The following LCP2 variants were observed in gnomAD, a reference collection of about 807,000 sequenced individuals.
LCP2 encodes lymphocyte cytosolic protein 2, also known as 76 kDa tyrosine phosphoprotein.
A neutral mutation model predicts 74.5 loss-of-function variants in LCP2; 29 were observed. That is an observed-to-expected ratio of 0.39 (90% CI 0.29 to 0.53). The LOEUF is 0.53. Among genes scored for constraint, LCP2 ranks in the 20% least tolerant of loss-of-function variants. The pLI, the probability that LCP2 is intolerant of heterozygous loss-of-function variation, is 0.72. For synonymous variants in LCP2, 228 were observed against 229.5 expected, an observed-to-expected ratio of 0.99 and a Z score of 0.06; for missense variants, 604 against 634.6, an observed-to-expected ratio of 0.95 and a Z score of 0.52.
chr5:170,285,796 G>C (rs1209283233), intron 3 of LCP2, among the ~76,000 whole-genome samples: 1 of 152,144 alleles, frequency 6.6e-6, no homozygotes, highest in Non-Finnish European at 1.5e-5. Flanking sequence ...CTTTGCTAAA[G>C]AGGGGCCCCT....
chr5:170,253,294 C>G, intron 17 of LCP2, 81 bp from the exon 18 acceptor site: 1 of 922,116 alleles, frequency 1.1e-6, no homozygotes, highest in Non-Finnish European at 1.7e-6. Context: ...ACATTCCCCC[C>G]ACTCCCCCAA....
Position 170,250,824 on chromosome 5 carries a change from A to G in LCP2, c.1385T>C (p.Met462Thr). The change falls in exon 20 of 21, where the codon ATG (methionine) becomes ACG (threonine). Residue 462 changes from methionine to threonine, a missense_variant. Physicochemically the swap from Met to Thr is moderately conservative, Grantham distance 81. Coordinates refer to ENST00000046794, the MANE Select transcript of LCP2 (RefSeq NM_005565.5). ...KKTTTNPYVLMVLYKDKVYNI... is the reference protein window; with the variant it reads ...KKTTTNPYVLTVLYKDKVYNI... ...GTAAACTTTATCTTTGTACAACACC[A>G]TGAGGACATATGGATTGGTTGTTGT... is the stretch of plus-strand genomic sequence containing the variant. 6.2e-7 allele frequency: 1 copy of G among 1,612,166 alleles called. No individual in the cohort carries two copies. Among genetic ancestry groups the G allele is most frequent in the East Asian group, 2.2e-5 (1 of 44,866 alleles).
intron 17 of LCP2, among the ~76,000 whole-genome samples, chr5:170,255,864 C>CT (rs1761540302): frequency 6.6e-6 from 1 of 152,214 alleles, no homozygotes; most frequent in African/African-American, 2.4e-5. Context: ...GCAGAACACT[C>CT]TAAGCGAATA....
At chr5:170,260,949 A>G in intron 14 of LCP2, 158 bp downstream of exon 14, 7 of 633,488 alleles carry the variant, frequency 1.1e-5, no homozygotes, top group Non-Finnish European at 1.7e-5. Flanking sequence ...ACCAAGGCCC[A>G]AAGACAGAGG....
At position 170,258,848 on chromosome 5, in the gene LCP2, A is replaced by C; in HGVS notation, c.970+18T>G. On this transcript the variant is annotated intron_variant, in intron 15 of 20. Transcript: ENST00000046794. ...AAAGAATGAGTTATAGGCTGTAAGA[A>C]TGTGTTTCCGAACATACCATCATCT... 6.3e-7 allele frequency: 1 copy of C among 1,575,662 alleles called. No homozygotes were observed. Among genetic ancestry groups the C allele is most frequent in the Non-Finnish European group, 8.7e-7 (1 of 1,152,106 alleles).
intron 10 of LCP2, among the ~76,000 whole-genome samples, chr5:170,265,360 A>T (rs955783064): frequency 2.0e-5 from 3 of 152,224 alleles, no homozygotes; most frequent in African/African-American, 7.2e-5. Context: ...TTAAGAAGAC[A>T]GTAATCCTTC....
chr5:170,279,976 G>GGGGAA (rs932545254), intron 3 of LCP2, among the ~76,000 whole-genome samples: 9 of 152,010 alleles, frequency 5.9e-5, no homozygotes, highest in African/African-American at 2.2e-4. Flanking sequence ...GAGAGAGAGG[G>GGGGAA]GGGAAGGGAA....
rs61463939 is a variant in LCP2 at position 170,272,597 on chromosome 5, C to CTT, written c.325-1682_325-1681dup. 7.5e-3 allele frequency among the ~76,000 whole-genome samples: 301 copies of CTT among 40,354 alleles called. 85 individuals carry two copies. The highest frequency in any genetic ancestry group is 0.014 in the Admixed American group (28 of 2,046). The allele number at this position is 40,354 out of a possible 152,430, so 26.5% of individuals were successfully genotyped here. ...ATAACTGTAACCCATCAAATATTTT[C>CTT]TTTTTTTTTTTTTTTTTTTTTTTTT... On this transcript the variant is annotated intron_variant, in intron 6 of 20. Transcript: ENST00000046794.
chr5:170,280,897 G>A (rs960990924), intron 3 of LCP2, among the ~76,000 whole-genome samples: 3 of 152,118 alleles, frequency 2.0e-5, no homozygotes, highest in Non-Finnish European at 2.9e-5. Flanking sequence ...CCAGCTACTC[G>A]GGAGGCCGAG....
intron 1 of LCP2, 125 bp downstream of exon 1, chr5:170,297,409 T>C (rs1232159278): frequency 1.3e-6 from 1 of 757,838 alleles, no homozygotes; most frequent in African/African-American, 1.8e-5. Flanking sequence ...ACCAGTAAAG[T>C]TGCCATAGGG....
At chr5:170,291,012 G>GAA (rs1460566314) in intron 2 of LCP2, among the ~76,000 whole-genome samples, 4 of 148,268 alleles carry the variant, frequency 2.7e-5, no homozygotes, top group African/African-American at 1.0e-4. Context: ...GAGAAAGAAA[G>GAA]AGAGAAAGAA....
intron 3 of LCP2, among the ~76,000 whole-genome samples, chr5:170,277,933 C>T (rs544195529): frequency 1.9e-4 from 29 of 151,946 alleles, no homozygotes; most frequent in Non-Finnish European, 3.5e-4. Flanking sequence ...GCAGAGAGAG[C>T]GAGGCTTTAA....
Position 170,275,853 on chromosome 5 carries a change from T to C in LCP2, c.196A>G (p.Ser66Gly), listed in dbSNP as rs1333746520. 2.5e-6 allele frequency: 4 copies of C among 1,570,108 alleles called. No individual in the cohort carries two copies. Among genetic ancestry groups the C allele is most frequent in the Non-Finnish European group, 3.5e-6 (4 of 1,155,102 alleles). Residue 66 changes from serine to glycine, a missense_variant, in exon 4 of 21, where the codon AGT becomes GGT. By Grantham distance (56) the Ser-to-Gly change is moderately conservative (BLOSUM62 0). Coordinates refer to ENST00000046794, the MANE Select transcript of LCP2 (RefSeq NM_005565.5). ...TTGTTGATTTCCTGACTTAACTTACTGAGAATCCTGCAAGATAAAGAGACA... is the reference window on the plus strand; with the variant it reads ...TTGTTGATTTCCTGACTTAACTTACCGAGAATCCTGCAAGATAAAGAGACA... ...KFPKLRVPIL[S>G]KLSQEINKNE...
intron 5 of LCP2, 33 bp from the exon 6 acceptor site, chr5:170,274,371 G>A (rs1761949403): frequency 6.2e-7 from 1 of 1,608,438 alleles, no homozygotes; most frequent in South Asian, 1.1e-5. Flanking sequence ...CATCAGCACT[G>A]AAGAAAAGCC....
intron 5 of LCP2, 23 bp from the exon 6 acceptor site, chr5:170,274,361 C>T (rs1400314244): frequency 6.2e-7 from 1 of 1,611,364 alleles, no homozygotes; most frequent in Non-Finnish European, 8.5e-7. Context: ...ATGACACCAC[C>T]ATCAGCACTG....
chr5:170,249,990 A>G (rs188778211), intron 20 of LCP2, among the ~76,000 whole-genome samples: 46 of 152,296 alleles, frequency 3.0e-4, no homozygotes, highest in African/African-American at 1.0e-3. Flanking sequence ...ACATTTGATC[A>G]CAAGCATGCA....
In LCP2 at chr5:170,268,401, G is replaced by T; in HGVS notation, c.605C>A (p.Ala202Asp). ...GAGGCCTACCGAGTGATTCCGGCCG[G>T]CTGGTGGGGGCGGGAGGGCGGCCAT... The part of the protein sequence containing the change: ...RPMAALPPPP[A>D]GRNHSPLPPP... Residue 202 changes from alanine to aspartate, a missense_variant, in exon 8 of 21, where the codon GCC (alanine) becomes GAC (aspartate). Transcript: ENST00000046794. The T allele has an allele frequency of 1.3e-6, 1 of 770,502 alleles. No homozygotes were observed. Among genetic ancestry groups the T allele is most frequent in the Non-Finnish European group, 1.7e-6 (1 of 589,500 alleles). 47.7% of individuals were successfully genotyped at this position (770,502 alleles called of 1,614,324 possible).
At position 170,246,405 on chromosome 5, in the gene LCP2, T is replaced by G. The variant is rs1024706158; in HGVS notation, c.*2292A>C. Reference sequence around the variant, plus strand: ...TAAATTATTAATTGATGGAATGAGTTTTTATTAATCAGAACTCTCCTGGTA... The same window carrying G: ...TAAATTATTAATTGATGGAATGAGTGTTTATTAATCAGAACTCTCCTGGTA... On this transcript the variant is annotated 3_prime_UTR_variant, in exon 21 of 21. Transcript: ENST00000046794. 1 of 214,032 alleles carries G rather than the reference T, an allele frequency of 4.7e-6. No individual in the cohort carries two copies. The highest frequency in any genetic ancestry group is 9.4e-6 in the Non-Finnish European group (1 of 106,712). The allele number at this position is 214,032 out of a possible 1,614,324, so 13.3% of individuals were successfully genotyped here.
At chr5:170,285,573 C>T (rs953160070) in intron 3 of LCP2, among the ~76,000 whole-genome samples, 1 of 152,142 alleles carries the variant, frequency 6.6e-6, no homozygotes, top group Non-Finnish European at 1.5e-5. Flanking sequence ...CTAGCCAGGA[C>T]CTGAACAATT....
Sources: gnomAD v4.1 joint callset for allele counts (sites outside exome capture counted in the v4.1 genomes callset) on GRCh38, gnomAD v4.1.1 for gene constraint, MANE v1.5 for transcripts, NCBI Gene and HGNC (gene_info 2026-07-23, HGNC 2026-07-21) for gene names.